SBF2: variants seen among roughly 807,000 people sequenced by gnomAD.
SBF2 encodes the protein myotubularin-related protein 13.
In SBF2, 112 loss-of-function variants were observed where a neutral mutation model predicts 225.2. That is an observed-to-expected ratio of 0.50 (90% CI 0.43 to 0.58). The LOEUF (loss-of-function observed/expected upper bound fraction) is 0.58. Among genes scored for constraint, SBF2 ranks in the 20% least tolerant of loss-of-function variants. The pLI is 0.00. For missense variants in SBF2, 1,996 were observed against 2,206.2 expected, an observed-to-expected ratio of 0.90 and a Z score of 1.91; for synonymous variants, 763 against 773.3, an observed-to-expected ratio of 0.99 and a Z score of 0.22.
At chr11:9,862,785 A>T (rs1857868906) in intron 17 of SBF2, among the ~76,000 whole-genome samples, 2 of 152,002 alleles carry the variant, frequency 1.3e-5, no homozygotes, top group Non-Finnish European at 2.9e-5. Flanking sequence ...GATTCTAATA[A>T]TTTCTCTGGT....
chr11:9,782,600 G>T (rs1359976423), intron 38 of SBF2, among the ~76,000 whole-genome samples: 1 of 152,190 alleles, frequency 6.6e-6, no homozygotes, highest in Admixed American at 6.5e-5. Flanking sequence ...GCCGGGCACG[G>T]TTGCTCATGC....
At chr11:10,176,965 C>T (rs1163287968) in intron 2 of SBF2, among the ~76,000 whole-genome samples, 1 of 152,016 alleles carries the variant, frequency 6.6e-6, no homozygotes, top group Non-Finnish European at 1.5e-5. Flanking sequence ...AAACCGAATC[C>T]AGCAGCACAT....
intron 6 of SBF2, among the ~76,000 whole-genome samples, chr11:10,008,720 G>A (rs751532682): frequency 5.3e-5 from 8 of 152,224 alleles, no homozygotes; most frequent in Non-Finnish European, 1.0e-4. Context: ...TGCCCTGAGG[G>A]CTGGAGGGCT....
chr11:9,811,112 T>C (rs1854155066), intron 30 of SBF2: 1 of 152,216 alleles, frequency 6.6e-6, no homozygotes, highest in African/African-American at 2.4e-5. Context: ...ATACTGCATA[T>C]TCTCACTTAT....
intron 2 of SBF2, among the ~76,000 whole-genome samples, chr11:10,050,430 C>A (rs1019569858): frequency 2.0e-5 from 3 of 151,902 alleles, no homozygotes; most frequent in African/African-American, 7.3e-5. Flanking sequence ...GTATATGGAA[C>A]CCTATATGTA....
At chr11:9,899,345 A>AAG (rs1170203267) in intron 16 of SBF2, among the ~76,000 whole-genome samples, 2 of 151,008 alleles carry the variant, frequency 1.3e-5, no homozygotes, top group East Asian at 3.9e-4. Context: ...AATTAAAAAA[A>AAG]AAAAAAAAAC....
intron 17 of SBF2, among the ~76,000 whole-genome samples, chr11:9,873,305 T>A (rs994164860): frequency 3.9e-5 from 6 of 152,018 alleles, no homozygotes; most frequent in African/African-American, 1.4e-4. Context: ...ATAAAAATAT[T>A]GGTTCACAAC....
intron 2 of SBF2, among the ~76,000 whole-genome samples, chr11:10,144,918 T>C (rs1040053274): frequency 3.3e-5 from 5 of 152,244 alleles, no homozygotes; most frequent in African/African-American, 1.2e-4. Flanking sequence ...TTCAGGACTT[T>C]TGCTGAAGCA....
chr11:9,983,633 CAG>C (rs1249668866), intron 13 of SBF2, among the ~76,000 whole-genome samples: 13 of 152,196 alleles, frequency 8.5e-5, no homozygotes, highest in African/African-American at 3.1e-4. Context: ...AGCGCAAAAA[CAG>C]AGCATTAAAC....
intron 32 of SBF2, among the ~76,000 whole-genome samples, chr11:9,802,584 T>C (rs1361062797): frequency 6.6e-6 from 1 of 152,196 alleles, no homozygotes; most frequent in African/African-American, 2.4e-5. Flanking sequence ...TTTTTTGATG[T>C]TTCTGGGCCT....
chr11:10,153,719 A>T (rs1274519995), intron 2 of SBF2, among the ~76,000 whole-genome samples: 2 of 152,154 alleles, frequency 1.3e-5, no homozygotes, highest in Non-Finnish European at 2.9e-5. Context: ...ACAGAAAAAA[A>T]TAAATGAAAG....
chr11:9,901,414 TG>T (rs1244980592), intron 16 of SBF2, among the ~76,000 whole-genome samples: 1 of 152,118 alleles, frequency 6.6e-6, no homozygotes. Flanking sequence ...AATAGACCCC[TG>T]GCCAAAGGGA....
At chr11:10,246,685 C>T (rs1353483145) in intron 1 of SBF2, among the ~76,000 whole-genome samples, 2 of 152,194 alleles carry the variant, frequency 1.3e-5, no homozygotes, top group Non-Finnish European at 2.9e-5. Flanking sequence ...CTGAAAAATA[C>T]TATAACCATT....
chr11:10,068,180 C>G (rs776731829), intron 2 of SBF2, among the ~76,000 whole-genome samples: 1 of 152,206 alleles, frequency 6.6e-6, no homozygotes, highest in African/African-American at 2.4e-5. Context: ...ATAGCACCCA[C>G]ATGGTTAAAT....
chr11:9,809,895 C>T (rs1854080630), intron 30 of SBF2, among the ~76,000 whole-genome samples: 1 of 152,112 alleles, frequency 6.6e-6, no homozygotes, highest in South Asian at 2.1e-4. Context: ...GTGATAGTTA[C>T]ACAATGTTGT....
intron 2 of SBF2, among the ~76,000 whole-genome samples, chr11:10,127,966 T>C (rs1272780759): frequency 6.6e-6 from 1 of 152,214 alleles, no homozygotes; most frequent in Non-Finnish European, 1.5e-5. Context: ...AATAAAAGTA[T>C]CTATACTTTA....
At chr11:10,077,441 G>A (rs1951164557) in intron 2 of SBF2, among the ~76,000 whole-genome samples, 1 of 152,114 alleles carries the variant, frequency 6.6e-6, no homozygotes, top group Non-Finnish European at 1.5e-5. Context: ...TATGGTACTG[G>A]TACCAAACCA....
intron 2 of SBF2, among the ~76,000 whole-genome samples, chr11:10,136,798 T>C (rs1026851494): frequency 5.9e-5 from 9 of 152,236 alleles, no homozygotes; most frequent in African/African-American, 1.7e-4. Context: ...ATAAGAAGTG[T>C]TGCGAATAAA....
At chr11:9,899,885 T>C (rs1217917923) in intron 16 of SBF2, among the ~76,000 whole-genome samples, 1 of 152,134 alleles carries the variant, frequency 6.6e-6, no homozygotes, top group Non-Finnish European at 1.5e-5. Flanking sequence ...GGACTTCCTA[T>C]TTTTATGGTG....
Sources: gnomAD v4.1 joint callset for allele counts (sites outside exome capture counted in the v4.1 genomes callset) on GRCh38, gnomAD v4.1.1 for gene constraint, MANE v1.5 for transcripts, NCBI Gene and HGNC (gene_info 2026-07-23, HGNC 2026-07-21) for gene names.